Variants in TPO observed in about 807,000 individuals in gnomAD.
TPO encodes thyroid microsomal antigen.
Under a neutral mutation model 96.9 loss-of-function variants are expected in TPO, and 78 were observed. The ratio of observed to expected loss-of-function variants is 0.81; its 90% CI spans 0.67 to 0.97. The LOEUF (loss-of-function observed/expected upper bound fraction) is 0.97, where lower values mean the gene tolerates loss of function less well. Among genes scored for constraint, TPO ranks in the 50% least tolerant of loss-of-function variants. The pLI is 0.00. For missense variants in TPO, 1,252 were observed against 1,274.8 expected (o/e 0.98, Z 0.27); for synonymous variants, 547 against 538.0 (o/e 1.02, Z -0.23).
At chr2:1,422,334 TCTCCTGGACCGACCTCGTGCAGGCGCC>T (rs1663708499) in intron 2 of TPO, among the ~76,000 whole-genome samples, 1 of 63,916 alleles carries the variant, frequency 1.6e-5, no homozygotes, top group Non-Finnish European at 3.6e-5. Flanking sequence ...TGCAGGCGCC[TCTCCTGGACCGACCTCGTGCAGGCGCC>T]GCGCTGGACC....
chr2:1,484,970 G>T, intron 9 of TPO, 116 bp downstream of exon 9: 1 of 1,490,338 alleles, frequency 6.7e-7, no homozygotes, highest in Non-Finnish European at 9.1e-7. Context: ...GGTTTGTTAC[G>T]TAGGGTATAC....
intron 14 of TPO, among the ~76,000 whole-genome samples, chr2:1,510,114 C>A (rs189310034): frequency 6.6e-6 from 1 of 152,326 alleles, no homozygotes; most frequent in East Asian, 1.9e-4. Context: ...TCCTTTCAAA[C>A]CAGAGCACTC....
chr2:1,465,244 T>TTCCATTGG (rs1184727320), intron 7 of TPO, among the ~76,000 whole-genome samples: 3 of 152,240 alleles, frequency 2.0e-5, no homozygotes, highest in Non-Finnish European at 2.9e-5. Context: ...CTCTATTCTA[T>TTCCATTGG]TCCATTGGTC....
chr2:1,459,286 G>C (rs1485196487), intron 7 of TPO, among the ~76,000 whole-genome samples: 1 of 151,988 alleles, frequency 6.6e-6, no homozygotes, highest in Admixed American at 6.6e-5. Flanking sequence ...CTAGTAGCTG[G>C]GACTACAGGC....
chr2:1,508,882 T>A (rs1468936610), intron 14 of TPO, among the ~76,000 whole-genome samples: 1 of 152,236 alleles, frequency 6.6e-6, no homozygotes, highest in Non-Finnish European at 1.5e-5. Flanking sequence ...TATCTCTATT[T>A]CCTTCAGTTC....
intron 14 of TPO, 56 bp downstream of exon 14, chr2:1,504,135 A>C: frequency 1.9e-6 from 3 of 1,609,842 alleles, no homozygotes; most frequent in Non-Finnish European, 2.5e-6. Flanking sequence ...TGTAAAATGA[A>C]GAAAAGTGTG....
chr2:1,484,808 G>T lies in TPO; in HGVS notation c.1551G>T (p.Leu517=), dbSNP rs929746744. 6.2e-7 allele frequency: 1 copy of T among 1,613,960 alleles called. No homozygotes were observed. Among genetic ancestry groups the T allele is most frequent in the African/African-American group, 1.3e-5 (1 of 74,942 alleles). Residue 517 remains leucine, a synonymous_variant, in exon 9 of 17, where the codon CTG becomes CTT. Coordinates refer to ENST00000329066, the MANE Select transcript of TPO (RefSeq NM_001206744.2). ...SFQEHPDLPG[L]WLHQAFFSPW... is the part of the protein sequence containing the mutation. Reference sequence around the variant, plus strand: ...AGGAGCACCCCGACCTGCCCGGGCTGTGGCTGCACCAGGCTTTCTTCAGCC... The same window carrying T: ...AGGAGCACCCCGACCTGCCCGGGCTTTGGCTGCACCAGGCTTTCTTCAGCC...
chr2:1,494,097 G>A (rs984060009), intron 11 of TPO, 58 bp downstream of exon 11: 50 of 1,560,638 alleles, frequency 3.2e-5, no homozygotes, highest in Middle Eastern at 1.8e-4. Context: ...GGTGGTCTGC[G>A]TTGGTTCTGA....
intron 12 of TPO, 91 bp from the exon 13 acceptor site, chr2:1,496,504 C>G: frequency 1.3e-6 from 2 of 1,572,734 alleles, no homozygotes; most frequent in Non-Finnish European, 1.7e-6. Flanking sequence ...CCAGCCCCTC[C>G]AGGGCACAAG....
intron 1 of TPO, among the ~76,000 whole-genome samples, chr2:1,397,821 C>A (rs1662105852): frequency 6.6e-6 from 1 of 152,160 alleles, no homozygotes; most frequent in Non-Finnish European, 1.5e-5. Flanking sequence ...CTCTGCACAA[C>A]CCCCGATGTT....
At chr2:1,440,997 T>C (rs544348138) in intron 5 of TPO, among the ~76,000 whole-genome samples, 4 of 151,756 alleles carry the variant, frequency 2.6e-5, no homozygotes, top group African/African-American at 9.7e-5. Flanking sequence ...GCAGGGTCCT[T>C]CTTGTTTCCA....
rs865829030 is a variant in TPO, at chr2:1,496,117, G to A, written c.2135G>A (p.Gly712Asp). Residue 712 changes from glycine (G) to aspartate (D), a missense_variant, in exon 12 of 17, where the codon GGC becomes GAC. Transcript: ENST00000329066. ...GTGCCCATGGATGCCTTCCAAGTCGGCAAATTCCCCGAAGACTTTGAGTCT... is the reference window on the plus strand; with the variant it reads ...GTGCCCATGGATGCCTTCCAAGTCGACAAATTCCCCGAAGACTTTGAGTCT... ...TRVPMDAFQV[G>D]KFPEDFESCD... is the part of the protein sequence containing the mutation. 1 of 1,614,028 alleles carries A rather than the reference G, an allele frequency of 6.2e-7. No individual in the cohort carries two copies.
intron 14 of TPO, among the ~76,000 whole-genome samples, chr2:1,513,059 C>T (rs972183642): frequency 1.3e-5 from 2 of 152,226 alleles, no homozygotes; most frequent in Admixed American, 6.5e-5. Flanking sequence ...ACAGATGGCG[C>T]AGCCATCAGT....
chr2:1,469,339 G>A (rs192709781), intron 7 of TPO, among the ~76,000 whole-genome samples: 193 of 152,274 alleles, frequency 1.3e-3, no homozygotes, highest in African/African-American at 4.4e-3. Flanking sequence ...GGTAGTCTCT[G>A]TCAGAGGGAA....
At chr2:1,507,392 TTAAAG>T (rs1673586265) in intron 14 of TPO, among the ~76,000 whole-genome samples, 5 of 152,322 alleles carry the variant, frequency 3.3e-5, no homozygotes, top group South Asian at 2.1e-4. Flanking sequence ...CATATGAACT[TTAAAG>T]TAGTTTTTTC....
chr2:1,459,299 G>A (rs1425223673), intron 7 of TPO, among the ~76,000 whole-genome samples: 1 of 151,990 alleles, frequency 6.6e-6, no homozygotes, highest in Non-Finnish European at 1.5e-5. Flanking sequence ...CTACAGGCAG[G>A]TGCCACCACA....
chr2:1,527,595 AC>A (rs1676888305), intron 15 of TPO, among the ~76,000 whole-genome samples: 1 of 115,344 alleles, frequency 8.7e-6, no homozygotes, highest in African/African-American at 3.5e-5. Context: ...TCACATCCCC[AC>A]CACTCTGTGC....
At chr2:1,382,801 A>G (rs1035159324) in intron 1 of TPO, among the ~76,000 whole-genome samples, 3 of 152,070 alleles carry the variant, frequency 2.0e-5, no homozygotes, top group African/African-American at 7.2e-5. Flanking sequence ...ATATGTATAC[A>G]TGTACCATGT....
Position 1,523,012 on chromosome 2 carries a change from TCCC to T in TPO, c.2618+6034_2618+6036del, listed in dbSNP as rs141494697. Among the ~76,000 whole-genome samples the T allele has an allele frequency of 2.2e-5, 2 of 91,726 alleles. 1 individual carries two copies. The highest frequency in any genetic ancestry group is 4.1e-5 in the Non-Finnish European group (2 of 49,334). 60.2% of individuals were successfully genotyped at this position (91,726 alleles called of 152,430 possible). A position where few individuals can be genotyped will look rare whatever the true frequency, so the allele number is the denominator to read the frequency against. ...TCCCACGCTGTGCAAACTCCCCAGA[TCCC>T]CCCAACTCTGTGCAACCTCCCCAAA... On this transcript the variant is annotated intron_variant, in intron 15 of 16. Transcript: ENST00000329066.
Sources: allele counts gnomAD v4.1 joint callset (sites outside exome capture counted in the v4.1 genomes callset), GRCh38; gene constraint gnomAD v4.1.1; transcripts MANE v1.5; gene names NCBI Gene and HGNC (gene_info 2026-07-23, HGNC 2026-07-21).